Variants in LAD1 observed in about 807,000 individuals in gnomAD.
The protein encoded by LAD1 is ladinin 1.
LAD1 carries 53 observed loss-of-function variants against 54.2 expected under a neutral mutation model. The observed-to-expected ratio is 0.98, with a 90% CI of 0.78 to 1.23. LAD1 has a LOEUF of 1.23. LAD1 is among the 50% of genes most tolerant of loss of function. The probability of loss-of-function intolerance (pLI) is 0.00; values close to 1 mark genes in which losing one functional copy is unlikely to be tolerated. For synonymous variants in LAD1, 231 were observed against 257.7 expected, an observed-to-expected ratio of 0.90 and a Z score of 0.99; for missense variants, 637 against 653.3, an observed-to-expected ratio of 0.98 and a Z score of 0.27.
rs1661994088 is a variant in LAD1 at position 201,383,063 on chromosome 1, G to A, written c.1386+11C>T. 1.2e-6 allele frequency: 2 copies of A among 1,609,874 alleles called. No individual in the cohort carries two copies. Among genetic ancestry groups the A allele is most frequent in the Non-Finnish European group, 1.7e-6 (2 of 1,177,156 alleles). ...TCACCCTAAGGACCCTGTGGGGCCT[G>A]AGCCCCTCACCTTCCGGCTGGAGGC... On this transcript the variant is annotated intron_variant, in intron 7 of 9. Coordinates refer to ENST00000391967, the MANE Select transcript of LAD1 (RefSeq NM_005558.4).
intron 1 of LAD1, among the ~76,000 whole-genome samples, chr1:201,394,694 G>C (rs549377729): frequency 3.3e-5 from 5 of 152,296 alleles, no homozygotes; most frequent in African/African-American, 1.2e-4. Flanking sequence ...GCCAACTTCT[G>C]CTGGCTTACA....
chr1:201,396,264 G>A (rs1662289411), intron 1 of LAD1, among the ~76,000 whole-genome samples: 1 of 152,024 alleles, frequency 6.6e-6, no homozygotes, highest in African/African-American at 2.4e-5. Flanking sequence ...GGGGACACAT[G>A]TCCCTCTCGG....
chr1:201,382,273 A>C lies in LAD1; in HGVS notation c.1527T>G (p.Ser509=), dbSNP rs1203953097. The C allele has an allele frequency of 6.2e-7, 1 of 1,613,670 alleles. No homozygotes were observed. Among genetic ancestry groups the C allele is most frequent in the African/African-American group, 1.3e-5 (1 of 74,944 alleles). ...ATERTQWGQK[S]DSSLDAEV is the part of the protein sequence containing the mutation. ...TCACCTCAGCGTCCAGCGAGGAGTC[A>C]GATTTCTGTCCCCACTGAGTCCTCT... Residue 509 remains serine, a synonymous_variant, in exon 9 of 10, where the codon TCT becomes TCG. Coordinates refer to ENST00000391967, the MANE Select transcript of LAD1 (RefSeq NM_005558.4).
chr1:201,381,738 C>G lies in LAD1; in HGVS notation c.*150G>C, dbSNP rs1661964494. 1.2e-6 allele frequency: 1 copy of G among 865,046 alleles called. No homozygotes were observed. The highest frequency in any genetic ancestry group is 1.9e-6 in the Non-Finnish European group (1 of 513,016). The allele number at this position is 865,046 out of a possible 1,614,324, so 53.6% of individuals were successfully genotyped here. On this transcript the variant is annotated 3_prime_UTR_variant, in exon 10 of 10. Transcript: ENST00000391967. Reference sequence around the variant, plus strand: ...GAGCTGGCTGAGTCTTGCAAATATTCCTGACCCCAGGGACCCTGGCCAAAC... The same window carrying G: ...GAGCTGGCTGAGTCTTGCAAATATTGCTGACCCCAGGGACCCTGGCCAAAC...
chr1:201,385,087 C>T (rs903800850), intron 4 of LAD1, among the ~76,000 whole-genome samples: 4 of 152,208 alleles, frequency 2.6e-5, no homozygotes, highest in Non-Finnish European at 5.9e-5. Flanking sequence ...CTTCGCAGGG[C>T]ACCTGTAACC....
At chr1:201,387,281 G>A (rs1200606016) in intron 2 of LAD1, 103 bp from the exon 3 acceptor site, 7 of 1,292,348 alleles carry the variant, frequency 5.4e-6, no homozygotes, top group Middle Eastern at 2.7e-4. Context: ...AGGAGGAGGT[G>A]AGGATGTCAG....
intron 4 of LAD1, 73 bp downstream of exon 4, chr1:201,385,628 A>G (rs996595500): frequency 2.7e-6 from 3 of 1,096,488 alleles, no homozygotes; most frequent in African/African-American, 1.5e-5. Flanking sequence ...TACGGCTCCT[A>G]TGTTGTAATG....
In LAD1 at chr1:201,383,111, G is replaced by A. The variant is rs140432313; in HGVS notation, c.1349C>T (p.Ala450Val). 98 of 1,613,936 alleles carry A rather than the reference G, an allele frequency of 6.1e-5. 1 individual carries two copies. The highest frequency in any genetic ancestry group is 3.3e-4 in the Middle Eastern group (2 of 6,056). Reference protein sequence around the residue: ...SKRHLFEKELAGQSRAEPASS... With the variant: ...SKRHLFEKELVGQSRAEPASS... Reference sequence around the variant, plus strand: ...GGCTGGTTCTGCTCGGCTCTGGCCCGCCAGTTCCTTCTCAAAGAGGTGGCG... The same window carrying A: ...GGCTGGTTCTGCTCGGCTCTGGCCCACCAGTTCCTTCTCAAAGAGGTGGCG... Residue 450 changes from alanine to valine, a missense_variant, in exon 7 of 10, where the codon GCG (alanine) becomes GTG (valine). Ala to Val is a moderately conservative substitution (Grantham distance 64). Transcript: ENST00000391967.
chr1:201,388,345 G>A (rs971538106), intron 2 of LAD1, among the ~76,000 whole-genome samples: 4 of 151,210 alleles, frequency 2.6e-5, no homozygotes, highest in South Asian at 2.1e-4. Context: ...CCAAGATTGC[G>A]CCACTGCACT....
intron 5 of LAD1, 184 bp downstream of exon 5, chr1:201,384,608 T>C (rs2102355431): frequency 1.6e-6 from 1 of 639,608 alleles, no homozygotes; most frequent in Non-Finnish European, 2.8e-6. Context: ...TGTTCCATCT[T>C]ATCCCGCCTG....
intron 3 of LAD1, 64 bp downstream of exon 3, chr1:201,386,271 G>T: frequency 1.5e-6 from 2 of 1,374,572 alleles, no homozygotes; most frequent in South Asian, 1.9e-5. Context: ...ACCTGGGTGG[G>T]ACTGGCCGGC....
At position 201,386,585 on chromosome 1, in the gene LAD1, T is replaced by G; in HGVS notation, c.776A>C (p.Lys259Thr). The G allele has an allele frequency of 6.2e-7, 1 of 1,614,112 alleles. No individual in the cohort carries two copies. The highest frequency in any genetic ancestry group is 1.7e-5 in the Admixed American group (1 of 60,002). The part of the protein sequence containing the change: ...LGSGRRLVSE[K>T]ASIFEKALAS... ...CAGTGCCTTCTCAAAGATGGAAGCT[T>G]TCTCAGACACCAGCCTCCTTCCTGA... The change falls in exon 3 of 10, where the codon AAA becomes ACA. Residue 259 changes from lysine (K) to threonine (T), a missense_variant. Transcript: ENST00000391967.
chr1:201,386,294 G>GT, intron 3 of LAD1, 41 bp downstream of exon 3: 1 of 1,403,580 alleles, frequency 7.1e-7, no homozygotes, highest in Non-Finnish European at 9.3e-7. Context: ...TGCCAGCCAG[G>GT]TGGCAGAGTA....
chr1:201,385,780 T>G lies in LAD1; in HGVS notation c.1052A>C (p.Glu351Ala). 1 of 1,614,096 alleles carries G rather than the reference T, an allele frequency of 6.2e-7. No individual in the cohort carries two copies. Among genetic ancestry groups the G allele is most frequent in the Non-Finnish European group, 8.5e-7 (1 of 1,179,934 alleles). The change falls in exon 4 of 10, where the codon GAG becomes GCG. Residue 351 changes from glutamate to alanine, a missense_variant. Physicochemically the swap from Glu to Ala is moderately radical, Grantham distance 107. Coordinates refer to ENST00000391967, the MANE Select transcript of LAD1 (RefSeq NM_005558.4). ...CTGTGTGGGTGAGGACATATCTGCC[T>G]CTTCCTCCTTGCTGGGGATTTTCAC... is the stretch of plus-strand genomic sequence containing the variant. ...LQVKIPSKEE[E>A]ADMSSPTQRT...
At chr1:201,388,595 A>AT (rs1662139116) in intron 2 of LAD1, among the ~76,000 whole-genome samples, 1 of 150,498 alleles carries the variant, frequency 6.6e-6, no homozygotes, top group Non-Finnish European at 1.5e-5. Context: ...AGGCAGAAGA[A>AT]TTGCTTGAAC....
chr1:201,382,511 ACTCCTGAAATGACTCCTCCT>A, intron 8 of LAD1, 122 bp downstream of exon 8: 7 of 768,962 alleles, frequency 9.1e-6, no homozygotes, highest in Non-Finnish European at 1.5e-5. Context: ...GACTGCCTCC[ACTCCTGAAATGACTCCTCCT>A]CTCCCGAAAT....
rs540556268 is a variant in LAD1, at chr1:201,395,233, G to A, written c.38+4036C>T. On this transcript the variant is annotated intron_variant, in intron 1 of 9. Coordinates refer to ENST00000391967, the MANE Select transcript of LAD1 (RefSeq NM_005558.4). ...ATCTCCAATAAGCACAAGTTATGAGGATAAAAATGGAAGGGAGGGAAGGGC... is the reference window on the plus strand; with the variant it reads ...ATCTCCAATAAGCACAAGTTATGAGAATAAAAATGGAAGGGAGGGAAGGGC... Among the ~76,000 whole-genome samples the A allele has an allele frequency of 2.0e-5, 3 of 152,314 alleles. No homozygotes were observed. In the South Asian group the frequency reaches 6.2e-4, roughly 32 times the overall value.
chr1:201,394,547 T>G (rs930502716), intron 1 of LAD1, among the ~76,000 whole-genome samples: 1 of 152,252 alleles, frequency 6.6e-6, no homozygotes, highest in Non-Finnish European at 1.5e-5. Context: ...GCATGACTGC[T>G]GTGAGCTCTG....
chr1:201,384,607 T>G, intron 5 of LAD1, 185 bp downstream of exon 5: 2 of 636,294 alleles, frequency 3.1e-6, no homozygotes, highest in East Asian at 5.5e-5. Context: ...TTGTTCCATC[T>G]TATCCCGCCT....
Sources: allele counts gnomAD v4.1 joint callset (sites outside exome capture counted in the v4.1 genomes callset), GRCh38; gene constraint gnomAD v4.1.1; transcripts MANE v1.5; gene names NCBI Gene and HGNC (gene_info 2026-07-23, HGNC 2026-07-21).